BMPR1B: variants seen among roughly 807,000 people sequenced by gnomAD.
BMPR1B encodes bone morphogenetic protein receptor type 1B, also known as bone morphogenetic protein receptor type-1B.
A neutral mutation model predicts 59.1 loss-of-function variants in BMPR1B; 12 were observed. That is an observed-to-expected ratio of 0.20 (90% CI 0.13 to 0.33). The LOEUF (loss-of-function observed/expected upper bound fraction) is 0.33. Ranked by LOEUF, BMPR1B falls within the 10% of genes least tolerant of loss-of-function variation. BMPR1B has a pLI of 1.00. For missense variants in BMPR1B, 550 were observed against 610.9 expected, an observed-to-expected ratio of 0.90 and a Z score of 1.05; for synonymous variants, 237 against 207.3, an observed-to-expected ratio of 1.14 and a Z score of -1.23.
chr4:94,829,427 C>T (rs547357480), intron 1 of BMPR1B, among the ~76,000 whole-genome samples: 1 of 151,598 alleles, frequency 6.6e-6, no homozygotes, highest in East Asian at 1.9e-4. Context: ...GCACACGCCA[C>T]TATGCCTGGA....
At chr4:95,030,908 G>A (rs1724794550) in intron 3 of BMPR1B, among the ~76,000 whole-genome samples, 1 of 152,086 alleles carries the variant, frequency 6.6e-6, no homozygotes, top group East Asian at 1.9e-4. Context: ...ATGCTCATGG[G>A]TAGGAAGAAT....
In BMPR1B at chr4:95,104,165, G is replaced by A. The variant is rs561597556; in HGVS notation, c.-17-243G>A. Among the ~76,000 whole-genome samples, 3 of 152,110 alleles carry A rather than the reference G, an allele frequency of 2.0e-5. No homozygotes were observed. In the South Asian group the frequency reaches 6.2e-4, roughly 32 times the overall value. On this transcript the variant is annotated intron_variant, in intron 3 of 12. Transcript: ENST00000515059. ...TCCTTGCACTGTATTAAATATAGCT[G>A]TTACAATTTAATACATAAAATATCC...
chr4:95,052,460 A>T (rs1411194337), intron 3 of BMPR1B, among the ~76,000 whole-genome samples: 3 of 152,238 alleles, frequency 2.0e-5, no homozygotes, highest in East Asian at 3.8e-4. Context: ...CGTGGCAGTG[A>T]TTGCAAAGAG....
chr4:94,794,945 T>C (rs1359343959), intron 1 of BMPR1B, among the ~76,000 whole-genome samples: 1 of 147,346 alleles, frequency 6.8e-6, no homozygotes, highest in Non-Finnish European at 1.5e-5. Context: ...TTTCTAGATA[T>C]ACAATCATGT....
rs572633304 is a variant in BMPR1B, at chr4:94,926,650, G to T, written c.-113+50750G>T. On this transcript the variant is annotated intron_variant, in intron 2 of 12. Transcript: ENST00000515059. Reference sequence around the variant, plus strand: ...GAGTTATTTGGCTATACATTAGGTTGCATTTTTTAAAACTGTCACTATTTT... The same window carrying T: ...GAGTTATTTGGCTATACATTAGGTTTCATTTTTTAAAACTGTCACTATTTT... Among the ~76,000 whole-genome samples, 5 of 152,100 alleles carry T rather than the reference G, an allele frequency of 3.3e-5. No homozygotes were observed. In the East Asian group the frequency reaches 9.7e-4, roughly 29 times the overall value.
intron 2 of BMPR1B, among the ~76,000 whole-genome samples, chr4:94,928,594 A>T (rs1219459583): frequency 6.6e-6 from 1 of 151,362 alleles, no homozygotes; most frequent in Non-Finnish European, 1.5e-5. Context: ...TTTTTTGGCA[A>T]GTCCCTTAGT....
chr4:95,148,508 C>T (rs1357256311), intron 10 of BMPR1B, among the ~76,000 whole-genome samples: 2 of 152,034 alleles, frequency 1.3e-5, no homozygotes, highest in Admixed American at 6.6e-5. Context: ...ACCTCAGCCT[C>T]CAGAATAGCT....
chr4:94,875,609 G>A (rs571410948), intron 1 of BMPR1B, among the ~76,000 whole-genome samples: 7 of 152,188 alleles, frequency 4.6e-5, no homozygotes, highest in South Asian at 4.1e-4. Flanking sequence ...GTGTGAACCC[G>A]GGAGGCGGAG....
chr4:94,876,481 A>C (rs1007042775), intron 2 of BMPR1B, among the ~76,000 whole-genome samples: 2 of 152,214 alleles, frequency 1.3e-5, no homozygotes, highest in African/African-American at 4.8e-5. Context: ...AGTGTGCTAC[A>C]GTGTTCAAAT....
intron 1 of BMPR1B, among the ~76,000 whole-genome samples, chr4:94,795,644 A>G (rs1723159588): frequency 6.6e-6 from 1 of 151,826 alleles, no homozygotes; most frequent in African/African-American, 2.4e-5. Flanking sequence ...TTGTATTTTT[A>G]GTAGAGACGG....
intron 2 of BMPR1B, among the ~76,000 whole-genome samples, chr4:94,992,832 G>T (rs190042537): frequency 6.6e-6 from 1 of 152,208 alleles, no homozygotes; most frequent in East Asian, 1.9e-4. Context: ...ACTGTCTATT[G>T]TGTTGCCTTT....
At chr4:95,149,483 CAT>C (rs1734881555) in intron 11 of BMPR1B, among the ~76,000 whole-genome samples, 2 of 152,136 alleles carry the variant, frequency 1.3e-5, no homozygotes, top group South Asian at 2.1e-4. Context: ...TTTTTCTACA[CAT>C]ATGAGGATTC....
intron 1 of BMPR1B, among the ~76,000 whole-genome samples, chr4:94,812,177 TC>T (rs1434531094): frequency 6.8e-6 from 1 of 147,972 alleles, no homozygotes; most frequent in Non-Finnish European, 1.5e-5. Flanking sequence ...TAGTACCTAG[TC>T]CTCCAAAATT....
intron 1 of BMPR1B, among the ~76,000 whole-genome samples, chr4:94,815,317 T>A (rs1452320902): frequency 6.6e-6 from 1 of 152,206 alleles, no homozygotes; most frequent in Admixed American, 6.5e-5. Context: ...TAACCAAAAT[T>A]TTTTGGTCAT....
chr4:95,028,666 CACTT>C (rs1361730382), intron 3 of BMPR1B, among the ~76,000 whole-genome samples: 9 of 152,206 alleles, frequency 5.9e-5, no homozygotes, highest in Non-Finnish European at 7.4e-5. Flanking sequence ...TCTAAGGAAA[CACTT>C]AATAACTATA....
chr4:95,133,268 A>G (rs1733516525), intron 10 of BMPR1B, among the ~76,000 whole-genome samples: 1 of 152,084 alleles, frequency 6.6e-6, no homozygotes, highest in South Asian at 2.1e-4. Flanking sequence ...GCTGCCACTG[A>G]ATTTATTTTC....
chr4:94,904,586 C>A (rs1727961455), intron 2 of BMPR1B, among the ~76,000 whole-genome samples: 1 of 152,116 alleles, frequency 6.6e-6, no homozygotes, highest in Non-Finnish European at 1.5e-5. Context: ...AAATCAAAGA[C>A]TGTAAACCTT....
chr4:94,827,378 ATG>A (rs1724421481), intron 1 of BMPR1B, among the ~76,000 whole-genome samples: 1 of 152,134 alleles, frequency 6.6e-6, no homozygotes, highest in Admixed American at 6.6e-5. Context: ...TTTCTCAAAT[ATG>A]TTTCTCAAAT....
chr4:94,765,621 G>A (rs959277051), intron 1 of BMPR1B, among the ~76,000 whole-genome samples: 7 of 152,216 alleles, frequency 4.6e-5, no homozygotes, highest in African/African-American at 9.6e-5. Context: ...CAAATCTCTC[G>A]TTTAATAATT....
Sources: allele counts gnomAD v4.1 joint callset (sites outside exome capture counted in the v4.1 genomes callset), GRCh38; gene constraint gnomAD v4.1.1; transcripts MANE v1.5; gene names NCBI Gene and HGNC (gene_info 2026-07-23, HGNC 2026-07-21).